Variants in BNC2 observed in about 807,000 individuals in gnomAD.
BNC2 encodes zinc finger protein basonuclin-2.
Under a neutral mutation model 76.3 loss-of-function variants are expected in BNC2, and 20 were observed. That is an observed-to-expected ratio of 0.26 (90% CI 0.18 to 0.38). BNC2 has a LOEUF of 0.38. BNC2 is among the 10% of genes least tolerant of loss of function. The probability of loss-of-function intolerance (pLI) is 1.00; values close to 1 mark genes in which losing one functional copy is unlikely to be tolerated. For missense variants in BNC2, 1,382 were observed against 1,399.8 expected (o/e 0.99, Z 0.20); for synonymous variants, 582 against 514.8 (o/e 1.13, Z -1.77).
chr9:16,601,606 A>G (rs1820246426), intron 3 of BNC2, among the ~76,000 whole-genome samples: 1 of 152,128 alleles, frequency 6.6e-6, no homozygotes, highest in Non-Finnish European at 1.5e-5. Context: ...ATCCTACTAC[A>G]CACTCCTGAG....
chr9:16,793,185 T>C (rs949328482), intron 1 of BNC2, among the ~76,000 whole-genome samples: 3 of 152,218 alleles, frequency 2.0e-5, no homozygotes, highest in Non-Finnish European at 4.4e-5. Context: ...ACTGAATAAC[T>C]GCTCCAACAA....
intron 1 of BNC2, among the ~76,000 whole-genome samples, chr9:16,777,983 T>C (rs989371913): frequency 9.9e-5 from 15 of 152,198 alleles, no homozygotes; most frequent in African/African-American, 4.8e-5. Flanking sequence ...ATCTAACTTC[T>C]ACTTCCAAAG....
In BNC2 at chr9:16,412,658, G is replaced by A. The variant is rs1420109829; in HGVS notation, c.*6331C>T. ...CAGCCTTGGGCTTCCCACAGATACA[G>A]TAGGTGTGTGTATGTGCTTGTATGT... On this transcript the variant is annotated 3_prime_UTR_variant, in exon 7 of 7. Coordinates refer to ENST00000380672, the MANE Select transcript of BNC2 (RefSeq NM_017637.6). The A allele has an allele frequency of 6.6e-6, 1 of 151,838 alleles. No individual in the cohort carries two copies. The highest frequency in any genetic ancestry group is 6.6e-5 in the Admixed American group (1 of 15,168). The allele number at this position is 151,838 out of a possible 1,614,324, so 9.4% of individuals were successfully genotyped here. A position where few individuals can be genotyped will look rare whatever the true frequency, so the allele number is the denominator to read the frequency against.
intron 3 of BNC2, among the ~76,000 whole-genome samples, chr9:16,692,943 G>A (rs1219878415): frequency 6.6e-6 from 1 of 151,732 alleles, no homozygotes; most frequent in South Asian, 2.1e-4. Context: ...TAGCCTGGCC[G>A]ACATGGAGAA....
At chr9:16,755,713 T>C (rs1825366161) in intron 1 of BNC2, among the ~76,000 whole-genome samples, 1 of 152,164 alleles carries the variant, frequency 6.6e-6, no homozygotes, top group African/African-American at 2.4e-5. Context: ...AACTTCAAAC[T>C]TGACATCTTC....
intron 5 of BNC2, among the ~76,000 whole-genome samples, chr9:16,458,130 TAGTC>T (rs377742645): frequency 1.7e-3 from 261 of 152,192 alleles, no homozygotes; most frequent in African/African-American, 6.1e-3. Context: ...ACTGAAAACA[TAGTC>T]AGTCCTAAGG....
At chr9:16,724,332 G>A (rs1362316732) in intron 3 of BNC2, among the ~76,000 whole-genome samples, 3 of 151,458 alleles carry the variant, frequency 2.0e-5, no homozygotes, top group Non-Finnish European at 4.4e-5. Flanking sequence ...CCTCAAGTGT[G>A]ATTAAAAAAA....
At chr9:16,608,937 T>C (rs1017622216) in intron 3 of BNC2, among the ~76,000 whole-genome samples, 2 of 152,254 alleles carry the variant, frequency 1.3e-5, no homozygotes, top group Admixed American at 6.5e-5. Flanking sequence ...GTTTTTATTA[T>C]GTACTTAAGG....
intron 3 of BNC2, among the ~76,000 whole-genome samples, chr9:16,629,770 A>T (rs531505617): frequency 6.6e-6 from 1 of 152,312 alleles, no homozygotes; most frequent in East Asian, 1.9e-4. Context: ...ATACATCTAA[A>T]ATACTTTATT....
intron 3 of BNC2, among the ~76,000 whole-genome samples, chr9:16,701,431 G>A (rs1410052839): frequency 1.3e-5 from 2 of 152,114 alleles, no homozygotes; most frequent in African/African-American, 2.4e-5. Flanking sequence ...GCTTTTGTAA[G>A]CATAAATAAG....
intron 3 of BNC2, among the ~76,000 whole-genome samples, chr9:16,706,453 C>T (rs769416729): frequency 1.3e-5 from 2 of 152,214 alleles, no homozygotes; most frequent in Non-Finnish European, 2.9e-5. Flanking sequence ...GGTGTTCCAG[C>T]TTTAATCTCC....
intron 3 of BNC2, among the ~76,000 whole-genome samples, chr9:16,680,254 A>C (rs1822784602): frequency 1.3e-5 from 2 of 151,940 alleles, no homozygotes; most frequent in Admixed American, 1.3e-4. Flanking sequence ...CGTTTTCTTA[A>C]TTTTTTAAAG....
intron 3 of BNC2, among the ~76,000 whole-genome samples, chr9:16,607,230 C>A (rs959290471): frequency 2.6e-5 from 4 of 152,170 alleles, no homozygotes; most frequent in African/African-American, 9.7e-5. Flanking sequence ...GCGTGAGCCA[C>A]AGTGCGCTGT....
At chr9:16,437,585 T>C (rs1821045482) in intron 5 of BNC2, 61 bp from the exon 6 acceptor site, 1 of 1,570,258 alleles carries the variant, frequency 6.4e-7, no homozygotes, top group South Asian at 1.1e-5. Context: ...TTGTGCATAA[T>C]TATTCAATGC....
intron 3 of BNC2, among the ~76,000 whole-genome samples, chr9:16,632,016 G>A (rs1821176399): frequency 6.6e-6 from 1 of 152,132 alleles, no homozygotes; most frequent in African/African-American, 2.4e-5. Context: ...GGCAAGAAAT[G>A]ACAAGAATGG....
chr9:16,687,589 A>C (rs1476723667), intron 3 of BNC2, among the ~76,000 whole-genome samples: 2 of 152,184 alleles, frequency 1.3e-5, no homozygotes, highest in Non-Finnish European at 2.9e-5. Flanking sequence ...ATTCCAAATC[A>C]AAATGAATCC....
At chr9:16,422,084 A>T (rs1217460414) in intron 6 of BNC2, among the ~76,000 whole-genome samples, 1 of 152,216 alleles carries the variant, frequency 6.6e-6, no homozygotes, top group African/African-American at 2.4e-5. Context: ...GATCACCCAG[A>T]TGGACACATC....
intron 1 of BNC2, among the ~76,000 whole-genome samples, chr9:16,793,557 C>A (rs1418805443): frequency 6.6e-6 from 1 of 152,144 alleles, no homozygotes; most frequent in South Asian, 2.1e-4. Flanking sequence ...CTGCTGCAGC[C>A]TCCCAAGTGG....
chr9:16,633,188 T>C (rs986712652), intron 3 of BNC2, among the ~76,000 whole-genome samples: 5 of 152,222 alleles, frequency 3.3e-5, no homozygotes, highest in South Asian at 2.1e-4. Context: ...TTATAAATTA[T>C]TGCCATTGTT....
Sources: gnomAD v4.1 joint callset for allele counts (sites outside exome capture counted in the v4.1 genomes callset) on GRCh38, gnomAD v4.1.1 for gene constraint, MANE v1.5 for transcripts, NCBI Gene and HGNC (gene_info 2026-07-23, HGNC 2026-07-21) for gene names.